The following DYNC2H1 variants were observed in gnomAD, a reference collection of about 807,000 sequenced individuals.
DYNC2H1 encodes the protein dynein cytoplasmic 2 heavy chain 1.
In DYNC2H1, 410 loss-of-function variants were observed where a neutral mutation model predicts 570.0. That is an observed-to-expected ratio of 0.72 (90% CI 0.66 to 0.78). The LOEUF is 0.78. DYNC2H1 is among the 30% of genes least tolerant of loss of function. The probability of loss-of-function intolerance (pLI) is 0.00; values close to 1 mark genes in which losing one functional copy is unlikely to be tolerated. For missense variants in DYNC2H1, 4,865 were observed against 5,046.4 expected, an observed-to-expected ratio of 0.96 and a Z score of 1.09; for synonymous variants, 1,688 against 1,677.6, an observed-to-expected ratio of 1.01 and a Z score of -0.15.
At chr11:103,259,274 C>G (rs1053080814) in intron 69 of DYNC2H1, among the ~76,000 whole-genome samples, 1 of 152,160 alleles carries the variant, frequency 6.6e-6, no homozygotes, top group African/African-American at 2.4e-5. Flanking sequence ...ACAACCTACC[C>G]TTCCTCCATT....
rs563181675 is a variant in DYNC2H1 at position 103,287,012 on chromosome 11, A to G, written c.11023-521A>G. On this transcript the variant is annotated intron_variant, in intron 74 of 88. Transcript: ENST00000375735. Reference sequence around the variant, plus strand: ...ACATCTAGGAATATCATAGATATGCATGAATCAGTAGTCCCAGCTACTTGG... The same window carrying G: ...ACATCTAGGAATATCATAGATATGCGTGAATCAGTAGTCCCAGCTACTTGG... Among the ~76,000 whole-genome samples, 460 of 152,362 alleles carry G rather than the reference A, an allele frequency of 3.0e-3. 7 individuals carry two copies. Among genetic ancestry groups the G allele is most frequent in the Non-Finnish European group, 4.2e-3 (287 of 68,038 alleles).
At position 103,170,979 on chromosome 11, in the gene DYNC2H1, T is replaced by A. The variant is rs1157583936; in HGVS notation, c.5245T>A (p.Ser1749Thr). Residue 1749 changes from serine to threonine, a missense_variant, in exon 34 of 89, where the codon TCT (serine) becomes ACT (threonine). By Grantham distance (58) the Ser-to-Thr change is moderately conservative. Coordinates refer to ENST00000375735, the MANE Select transcript of DYNC2H1 (RefSeq NM_001377.3). The surrounding 1 kb of genome is among the most constrained non-coding windows in gnomAD (Gnocchi z 4.8). ...TGATGAATTTAATAGGCTGGAAGAA[T>A]CTGTACTGTCAGCAGTTTCTATGCA... ...CFDEFNRLEE[S>T]VLSAVSMQIQ... 6.2e-7 allele frequency: 1 copy of A among 1,611,116 alleles called. No homozygotes were observed. Among genetic ancestry groups the A allele is most frequent in the Non-Finnish European group, 8.5e-7 (1 of 1,178,194 alleles).
At chr11:103,119,362 T>G (rs912459336) in intron 6 of DYNC2H1, among the ~76,000 whole-genome samples, 9 of 152,014 alleles carry the variant, frequency 5.9e-5, no homozygotes, top group African/African-American at 2.2e-4. Context: ...TTTTTTGAGA[T>G]GGAATCTCGA....
At chr11:103,396,636 G>A (rs549929100) in intron 83 of DYNC2H1, among the ~76,000 whole-genome samples, 1 of 152,224 alleles carries the variant, frequency 6.6e-6, no homozygotes, top group East Asian at 1.9e-4. Context: ...TCCCACCTAG[G>A]AAATTGTTTC....
Position 103,148,597 on chromosome 11 carries a change from T to C in DYNC2H1, c.2926T>C (p.Leu976=), listed in dbSNP as rs764597021. The change falls in exon 20 of 89, where the codon TTA becomes CTA. Residue 976 remains leucine (L), a synonymous_variant. Coordinates refer to ENST00000375735, the MANE Select transcript of DYNC2H1 (RefSeq NM_001377.3). Reference sequence around the variant, plus strand: ...TGATGCAAATCTACAATATAGTAAGTTACAAGAACGGAAGCCAGAGGTGAG... The same window carrying C: ...TGATGCAAATCTACAATATAGTAAGCTACAAGAACGGAAGCCAGAGGTGAG... ...IGDANLQYSK[L]QERKPEILPL... The C allele has an allele frequency of 2.6e-6, 4 of 1,567,780 alleles. No homozygotes were observed. Among genetic ancestry groups the C allele is most frequent in the African/African-American group, 2.7e-5 (2 of 73,724 alleles).
At chr11:103,421,681 C>T (rs117430438) in intron 84 of DYNC2H1, among the ~76,000 whole-genome samples, 29 of 152,160 alleles carry the variant, frequency 1.9e-4, no homozygotes, top group Non-Finnish European at 4.1e-4. Context: ...GACAATGTAG[C>T]AGAATCTCTG....
At chr11:103,282,858 A>G (rs2135343287) in intron 72 of DYNC2H1, 150 bp from the exon 73 acceptor site, 4 of 566,748 alleles carry the variant, frequency 7.1e-6, no homozygotes, top group Non-Finnish European at 9.2e-6. Flanking sequence ...ATAGAATTTT[A>G]CCATGGTGAC....
At chr11:103,358,390 T>G (rs1328487161) in intron 83 of DYNC2H1, 31 bp downstream of exon 83, 1 of 1,442,672 alleles carries the variant, frequency 6.9e-7, no homozygotes, top group South Asian at 1.2e-5. Context: ...CTGATTCTTT[T>G]GCTTTTTCTC....
chr11:103,250,036 A>G (rs561477807), intron 65 of DYNC2H1, among the ~76,000 whole-genome samples: 4 of 152,168 alleles, frequency 2.6e-5, no homozygotes, highest in Non-Finnish European at 5.9e-5. Context: ...ATGATGTTCT[A>G]TCTTTCATTG....
intron 82 of DYNC2H1, among the ~76,000 whole-genome samples, chr11:103,353,863 G>T (rs1828827268): frequency 6.6e-6 from 1 of 151,836 alleles, no homozygotes; most frequent in South Asian, 2.1e-4. Context: ...GATTTATTTG[G>T]ATTCATTAAT....
At chr11:103,368,130 T>C (rs1940994503) in intron 83 of DYNC2H1, among the ~76,000 whole-genome samples, 1 of 152,200 alleles carries the variant, frequency 6.6e-6, no homozygotes, top group African/African-American at 2.4e-5. Context: ...ATATACCCAG[T>C]AGTGAGAGTG....
intron 70 of DYNC2H1, among the ~76,000 whole-genome samples, chr11:103,279,602 T>G (rs1369870586): frequency 6.6e-6 from 1 of 152,132 alleles, no homozygotes; most frequent in African/African-American, 2.4e-5. Flanking sequence ...GCATAATCTG[T>G]GTTGTAGTTT....
chr11:103,139,271 G>T (rs959408634), intron 17 of DYNC2H1, among the ~76,000 whole-genome samples: 14 of 150,852 alleles, frequency 9.3e-5, no homozygotes, highest in Non-Finnish European at 1.8e-4. Flanking sequence ...GAATGTGTTT[G>T]CTCTTGCTTT....
At chr11:103,159,730 T>C (rs1861002725) in intron 28 of DYNC2H1, among the ~76,000 whole-genome samples, 1 of 152,202 alleles carries the variant, frequency 6.6e-6, no homozygotes, top group East Asian at 1.9e-4. Flanking sequence ...AGCAAACAGC[T>C]CTATAGAAAA....
intron 4 of DYNC2H1, 70 bp downstream of exon 4, chr11:103,115,365 C>T: frequency 1.0e-6 from 1 of 962,668 alleles, no homozygotes; most frequent in Non-Finnish European, 1.5e-6. Flanking sequence ...TTTTTACAGC[C>T]TCTCTTCTGT....
chr11:103,332,021 C>G (rs1359768418), intron 82 of DYNC2H1, among the ~76,000 whole-genome samples: 1 of 151,504 alleles, frequency 6.6e-6, no homozygotes, highest in East Asian at 1.9e-4. Context: ...GATCGTGCCA[C>G]TGCACTCCAG....
At chr11:103,383,200 A>C (rs563678122) in intron 83 of DYNC2H1, among the ~76,000 whole-genome samples, 1 of 152,290 alleles carries the variant, frequency 6.6e-6, no homozygotes, top group East Asian at 1.9e-4. Context: ...AAGAATCTCA[A>C]ATGAACAGGA....
chr11:103,191,344 G>T (rs1313009073), intron 45 of DYNC2H1, among the ~76,000 whole-genome samples, 173 bp from the exon 46 acceptor site: 3 of 151,982 alleles, frequency 2.0e-5, no homozygotes, highest in African/African-American at 7.2e-5. Flanking sequence ...CGACCAGAAT[G>T]TTTTTAAGTG....
At chr11:103,376,560 T>A (rs528515640) in intron 83 of DYNC2H1, among the ~76,000 whole-genome samples, 1 of 152,322 alleles carries the variant, frequency 6.6e-6, no homozygotes, top group Non-Finnish European at 1.5e-5. Context: ...AATGTAACTT[T>A]GGTTGCATAA....
Sources: gnomAD v4.1 joint callset for allele counts (sites outside exome capture counted in the v4.1 genomes callset) on GRCh38, gnomAD v4.1.1 for gene constraint, Gnocchi (gnomAD v3.1) non-coding constraint, MANE v1.5 for transcripts, NCBI Gene and HGNC (gene_info 2026-07-23, HGNC 2026-07-21) for gene names.